FBXO22: variants seen among roughly 807,000 people sequenced by gnomAD.
FBXO22 encodes the protein F-box only protein 22.
Under a neutral mutation model 37.2 loss-of-function variants are expected in FBXO22, and 13 were observed. The ratio of observed to expected loss-of-function variants is 0.35; its 90% CI spans 0.23 to 0.56. The LOEUF is 0.56. FBXO22 is among the 20% of genes least tolerant of loss of function. The probability of loss-of-function intolerance (pLI) is 0.87; values close to 1 mark genes in which losing one functional copy is unlikely to be tolerated. For missense variants in FBXO22, 446 were observed against 509.9 expected, an observed-to-expected ratio of 0.87 and a Z score of 1.21; for synonymous variants, 189 against 189.1, an observed-to-expected ratio of 1.00 and a Z score of 0.00.
At chr15:75,917,119 A>G in intron 4 of FBXO22, 111 bp from the exon 5 acceptor site, 1 of 768,064 alleles carries the variant, frequency 1.3e-6, no homozygotes, top group South Asian at 1.8e-5. Flanking sequence ...AAGCTGAAAA[A>G]CTTTTACTCA....
chr15:75,929,685 TA>T (rs2029941168), intron 5 of FBXO22, among the ~76,000 whole-genome samples, 198 bp from the exon 6 acceptor site: 2 of 152,102 alleles, frequency 1.3e-5, no homozygotes. Context: ...ATAATGTTTG[TA>T]AAAAATGGAA....
chr15:75,913,353 C>A (rs949692692), intron 3 of FBXO22, 63 bp downstream of exon 3: 7 of 1,095,592 alleles, frequency 6.4e-6, no homozygotes. Flanking sequence ...GTTCGGAGTT[C>A]AATATTATAC....
At chr15:75,905,658 G>T (rs1899914710) in intron 2 of FBXO22, 1 of 152,216 alleles carries the variant, frequency 6.6e-6, no homozygotes, top group African/African-American at 2.4e-5. Context: ...TTTGCTCTGA[G>T]TAAGTCCTGT....
intron 5 of FBXO22, among the ~76,000 whole-genome samples, chr15:75,920,812 G>A (rs1900304255): frequency 6.6e-6 from 1 of 152,122 alleles, no homozygotes; most frequent in Non-Finnish European, 1.5e-5. Context: ...GACAGAGTGA[G>A]ACCCTGTCTC....
intron 2 of FBXO22, among the ~76,000 whole-genome samples, chr15:75,909,006 T>C (rs1899989889): frequency 6.6e-6 from 1 of 152,218 alleles, no homozygotes; most frequent in Non-Finnish European, 1.5e-5. Flanking sequence ...ACTTTTTTTT[T>C]CCATTTAACT....
At chr15:75,905,373 A>C (rs1367305721) in intron 2 of FBXO22, among the ~76,000 whole-genome samples, 1 of 152,082 alleles carries the variant, frequency 6.6e-6, no homozygotes, top group East Asian at 1.9e-4. Flanking sequence ...ACACCAGGAG[A>C]GATGAAGACT....
At chr15:75,930,646 T>A in intron 6 of FBXO22, 1 of 985,504 alleles carries the variant, frequency 1.0e-6, no homozygotes, top group South Asian at 4.7e-5. Flanking sequence ...GATAAAAATA[T>A]TTGCTCTTCT....
At chr15:75,917,680 T>C (rs1900220275) in intron 5 of FBXO22, among the ~76,000 whole-genome samples, 1 of 152,274 alleles carries the variant, frequency 6.6e-6, no homozygotes, top group Non-Finnish European at 1.5e-5. Context: ...AACTTGTTTG[T>C]ATTTAGTTCT....
intron 5 of FBXO22, among the ~76,000 whole-genome samples, chr15:75,919,274 T>C (rs756632086): frequency 1.8e-4 from 27 of 152,106 alleles, no homozygotes; most frequent in Non-Finnish European, 2.1e-4. Flanking sequence ...GCCTGGCCCA[T>C]ATACTATATT....
At chr15:75,928,213 C>T (rs906571051) in intron 5 of FBXO22, among the ~76,000 whole-genome samples, 11 of 151,994 alleles carry the variant, frequency 7.2e-5, no homozygotes, top group African/African-American at 2.7e-4. Flanking sequence ...GACCTAAAGA[C>T]AGAAATACCA....
intron 5 of FBXO22, among the ~76,000 whole-genome samples, chr15:75,923,990 C>CTG (rs1339634900): frequency 6.6e-6 from 1 of 152,108 alleles, no homozygotes; most frequent in East Asian, 1.9e-4. Context: ...GCTAGCGCAG[C>CTG]TGTATAGTAC....
chr15:75,912,581 T>C (rs1697875734), intron 2 of FBXO22, among the ~76,000 whole-genome samples: 1 of 152,266 alleles, frequency 6.6e-6, no homozygotes, highest in South Asian at 2.1e-4. Flanking sequence ...TATTCTCTGA[T>C]GGTAGTCTGT....
intron 5 of FBXO22, among the ~76,000 whole-genome samples, chr15:75,924,082 G>A (rs1317241332): frequency 1.3e-5 from 2 of 152,186 alleles, no homozygotes; most frequent in Non-Finnish European, 2.9e-5. Flanking sequence ...TTTGGAATTT[G>A]AGATGGAGAT....
At chr15:75,911,698 T>C (rs1201683064) in intron 2 of FBXO22, among the ~76,000 whole-genome samples, 3 of 152,076 alleles carry the variant, frequency 2.0e-5, no homozygotes, top group Admixed American at 2.0e-4. Flanking sequence ...TATACAATCA[T>C]GTCATCTGCA....
chr15:75,904,138 G>C, intron 1 of FBXO22, 35 bp downstream of exon 1: 1 of 1,516,704 alleles, frequency 6.6e-7, no homozygotes, highest in Non-Finnish European at 8.9e-7. Context: ...AAGCTTGCCT[G>C]GGGACACGCC....
intron 5 of FBXO22, among the ~76,000 whole-genome samples, chr15:75,919,686 C>T (rs561177138): frequency 4.6e-5 from 7 of 152,276 alleles, no homozygotes; most frequent in African/African-American, 1.7e-4. Flanking sequence ...TGGCCTCCAC[C>T]CTAGGCAGGC....
chr15:75,929,990 TATGA>T lies in FBXO22; in HGVS notation c.738_741del (p.Met246IlefsTer15). On this transcript the variant is annotated frameshift_variant, in exon 6 of 7. Coordinates refer to ENST00000308275, the MANE Select transcript of FBXO22 (RefSeq NM_147188.3). LOFTEE classifies it high-confidence loss of function. ...AGCAAGTAGTCAGCACTTTCAGTGA[TATGA>T]ATATCATCTTGGCTGGAGGCCAGGT... 1 of 1,614,136 alleles carries T rather than the reference TATGA, an allele frequency of 6.2e-7. No individual in the cohort carries two copies. The highest frequency in any genetic ancestry group is 8.5e-7 in the Non-Finnish European group (1 of 1,179,978).
intron 3 of FBXO22, 52 bp from the exon 4 acceptor site, chr15:75,914,057 AG>A: frequency 7.6e-7 from 1 of 1,317,780 alleles, no homozygotes; most frequent in Non-Finnish European, 1.1e-6. Context: ...TTTCATTCTC[AG>A]ATTTGACTTT....
intron 5 of FBXO22, among the ~76,000 whole-genome samples, chr15:75,924,714 G>A (rs1465305518): frequency 6.6e-6 from 1 of 152,158 alleles, no homozygotes; most frequent in Non-Finnish European, 1.5e-5. Context: ...CTACCTGTCT[G>A]TACCACAGAC....
Sources: allele counts gnomAD v4.1 joint callset (sites outside exome capture counted in the v4.1 genomes callset), GRCh38; gene constraint gnomAD v4.1.1; transcripts MANE v1.5; gene names NCBI Gene and HGNC (gene_info 2026-07-23, HGNC 2026-07-21).